CATSPERB: variants seen among roughly 807,000 people sequenced by gnomAD.
CATSPERB encodes cation channel sperm-associated auxiliary subunit beta.
Under a neutral mutation model 128.3 loss-of-function variants are expected in CATSPERB, and 93 were observed. The ratio of observed to expected loss-of-function variants is 0.72; its 90% CI spans 0.61 to 0.86. The LOEUF is 0.86. CATSPERB is among the 40% of genes least tolerant of loss of function. CATSPERB has a pLI of 0.00. For synonymous variants in CATSPERB, 381 were observed against 448.8 expected (o/e 0.85, Z 1.91); for missense variants, 1,153 against 1,329.5 (o/e 0.87, Z 2.06).
chr14:91,716,712 TACACAC>T lies in CATSPERB; in HGVS notation c.370+2700_370+2705del, dbSNP rs34934524. ...TTATATGCATACATATTTACAAGCA[TACACAC>T]ACACACACACACACACACACACACA... is the stretch of plus-strand genomic sequence containing the variant. On this transcript the variant is annotated intron_variant, in intron 5 of 26. Coordinates refer to ENST00000256343, the MANE Select transcript of CATSPERB (RefSeq NM_024764.4). Among the ~76,000 whole-genome samples, 248 of 137,620 alleles carry T rather than the reference TACACAC, an allele frequency of 1.8e-3. 2 individuals are homozygous for T. Among genetic ancestry groups the T allele is most frequent in the Middle Eastern group, 7.4e-3 (2 of 270 alleles). 90.3% of individuals were successfully genotyped at this position (137,620 alleles called of 152,430 possible).
chr14:91,593,512 G>A (rs1331443202), intron 22 of CATSPERB, among the ~76,000 whole-genome samples: 1 of 152,204 alleles, frequency 6.6e-6, no homozygotes, highest in Non-Finnish European at 1.5e-5. Context: ...CTGCCCTGCT[G>A]GATTTTGGAC....
intron 15 of CATSPERB, among the ~76,000 whole-genome samples, chr14:91,646,936 T>C (rs1894617034): frequency 1.3e-5 from 2 of 152,380 alleles, no homozygotes; most frequent in South Asian, 4.1e-4. Flanking sequence ...AAATCATGAA[T>C]GGCTGGGAGC....
At chr14:91,588,592 T>C (rs1893344543) in intron 24 of CATSPERB, among the ~76,000 whole-genome samples, 1 of 152,168 alleles carries the variant, frequency 6.6e-6, no homozygotes, top group Non-Finnish European at 1.5e-5. Flanking sequence ...ATAGCTAGTG[T>C]AGGGGTTAGA....
chr14:91,603,749 T>C (rs1475751835), intron 22 of CATSPERB, among the ~76,000 whole-genome samples: 2 of 149,608 alleles, frequency 1.3e-5, no homozygotes, highest in Non-Finnish European at 3.0e-5. Flanking sequence ...GAAGGGGGAG[T>C]TGCTACAGAC....
Position 91,595,419 on chromosome 14 carries a change from G to A in CATSPERB, c.2710-3417C>T, listed in dbSNP as rs532626564. Among the ~76,000 whole-genome samples, 10 of 151,890 alleles carry A rather than the reference G, an allele frequency of 6.6e-5. No homozygotes were observed. The East Asian group carries it at 9.7e-4, about 15-fold the overall frequency. ...CCTGACCTCGTGGTCTGCCCATCTCGGCCTCCCAAGGTGCTGGGATTACAG... is the reference window on the plus strand; with the variant it reads ...CCTGACCTCGTGGTCTGCCCATCTCAGCCTCCCAAGGTGCTGGGATTACAG... On this transcript the variant is annotated intron_variant, in intron 22 of 26. Transcript: ENST00000256343.
intron 9 of CATSPERB, among the ~76,000 whole-genome samples, chr14:91,692,905 C>A (rs1342371775): frequency 6.6e-6 from 1 of 152,138 alleles, no homozygotes; most frequent in East Asian, 1.9e-4. Context: ...TTAAAACTTA[C>A]TATAAATTTG....
chr14:91,612,435 G>T (rs1319196677), intron 20 of CATSPERB, among the ~76,000 whole-genome samples: 1 of 152,108 alleles, frequency 6.6e-6, no homozygotes, highest in African/African-American at 2.4e-5. Context: ...AGAGGTATGA[G>T]CCACCATACT....
rs866293424 is a variant in CATSPERB at position 91,672,006 on chromosome 14, G to C, written c.1128+861C>G. On this transcript the variant is annotated intron_variant, in intron 13 of 26. Coordinates refer to ENST00000256343, the MANE Select transcript of CATSPERB (RefSeq NM_024764.4). Reference sequence around the variant, plus strand: ...CTGCACTCCAGCCTGGGCAACAGAGGGAGACTCTGTCTCAAAAACAACAAC... The same window carrying C: ...CTGCACTCCAGCCTGGGCAACAGAGCGAGACTCTGTCTCAAAAACAACAAC... Among the ~76,000 whole-genome samples the C allele has an allele frequency of 2.0e-3, 292 of 147,624 alleles. 1 individual carries two copies. Among genetic ancestry groups the C allele is most frequent in the African/African-American group, 7.1e-3 (278 of 39,126 alleles).
chr14:91,687,572 G>A (rs1895396402), intron 10 of CATSPERB, among the ~76,000 whole-genome samples: 1 of 152,150 alleles, frequency 6.6e-6, no homozygotes, highest in Non-Finnish European at 1.5e-5. Context: ...CCAGAACTGT[G>A]AGAAATAAAT....
intron 20 of CATSPERB, among the ~76,000 whole-genome samples, chr14:91,615,690 C>T (rs574808996): frequency 6.6e-6 from 1 of 152,150 alleles, no homozygotes; most frequent in South Asian, 2.1e-4. Context: ...TTTCTTTATC[C>T]ATTCATCTCT....
rs561562980 is a variant in CATSPERB, at chr14:91,581,276, C to A, written c.3133-169G>T. Among the ~76,000 whole-genome samples the A allele has an allele frequency of 1.1e-4, 16 of 152,314 alleles. 1 individual carries two copies. The East Asian group carries it at 2.5e-3, about 24-fold the overall frequency. On this transcript the variant is annotated intron_variant, in intron 26 of 26. Transcript: ENST00000256343. ...AGTCTCTTGACAGTTGAACAAGTAACAATTTGCCTACAATAAATAGGGGCT... is the reference window on the plus strand; with the variant it reads ...AGTCTCTTGACAGTTGAACAAGTAAAAATTTGCCTACAATAAATAGGGGCT...
At chr14:91,686,963 C>T (rs1196169828) in intron 10 of CATSPERB, among the ~76,000 whole-genome samples, 1 of 152,038 alleles carries the variant, frequency 6.6e-6, no homozygotes, top group Non-Finnish European at 1.5e-5. Context: ...GGCTATTCTC[C>T]ATTTACTAAT....
chr14:91,687,903 C>T lies in CATSPERB; in HGVS notation c.864+3620G>A, dbSNP rs140300966. Among the ~76,000 whole-genome samples, 1,227 of 146,976 alleles carry T rather than the reference C, an allele frequency of 8.3e-3. 16 individuals are homozygous for T. Among genetic ancestry groups the T allele is most frequent in the African/African-American group, 0.028 (1,115 of 39,744 alleles). ...CCAGGAGGTGGAAGTAGCACTGAGC[C>T]GAGATCACCACTGCACTCCAGCCTG... On this transcript the variant is annotated intron_variant, in intron 10 of 26. Coordinates refer to ENST00000256343, the MANE Select transcript of CATSPERB (RefSeq NM_024764.4).
intron 10 of CATSPERB, among the ~76,000 whole-genome samples, chr14:91,689,123 A>T (rs1895423142): frequency 6.6e-6 from 1 of 152,132 alleles, no homozygotes; most frequent in Non-Finnish European, 1.5e-5. Flanking sequence ...GGTCTCCTTC[A>T]ACCTGCCTAC....
At chr14:91,641,512 T>C (rs1205247932) in intron 15 of CATSPERB, among the ~76,000 whole-genome samples, 1 of 152,064 alleles carries the variant, frequency 6.6e-6, no homozygotes, top group Non-Finnish European at 1.5e-5. Flanking sequence ...AAAGATCAGA[T>C]AGTTGTGGGT....
chr14:91,670,681 A>G (rs78539998), intron 13 of CATSPERB, among the ~76,000 whole-genome samples: 1 of 148,656 alleles, frequency 6.7e-6, no homozygotes, highest in Non-Finnish European at 1.5e-5. Flanking sequence ...ATCTCAAAAG[A>G]AAAAAAAAAG....
At chr14:91,647,232 G>A (rs960478734) in intron 15 of CATSPERB, among the ~76,000 whole-genome samples, 3 of 152,130 alleles carry the variant, frequency 2.0e-5, no homozygotes, top group African/African-American at 7.2e-5. Context: ...ATTCCTTGGG[G>A]ATATGTGTGA....
chr14:91,644,498 G>T (rs1190632700), intron 15 of CATSPERB, among the ~76,000 whole-genome samples: 1 of 138,750 alleles, frequency 7.2e-6, no homozygotes, highest in Non-Finnish European at 1.6e-5. Flanking sequence ...ATGAAATTCT[G>T]GGTTGAAAAT....
chr14:91,631,520 T>A (rs1164284675), intron 17 of CATSPERB, among the ~76,000 whole-genome samples: 1 of 152,002 alleles, frequency 6.6e-6, no homozygotes, highest in East Asian at 1.9e-4. Flanking sequence ...AAAAAATTAG[T>A]CAGGCGTGGT....
Sources: gnomAD v4.1 joint callset for allele counts (sites outside exome capture counted in the v4.1 genomes callset) on GRCh38, gnomAD v4.1.1 for gene constraint, MANE v1.5 for transcripts, NCBI Gene and HGNC (gene_info 2026-07-23, HGNC 2026-07-21) for gene names.